Variants in WWOX observed in about 807,000 individuals in gnomAD.
The protein encoded by WWOX is WW domain-containing oxidoreductase.
In WWOX, 69 loss-of-function variants were observed where a neutral mutation model predicts 46.2. That is an observed-to-expected ratio of 1.49 (90% CI 1.23 to 1.82). WWOX has a LOEUF of 1.82. Among genes scored for constraint, WWOX ranks in the 40% most tolerant of loss-of-function variants. The pLI, the probability that WWOX is intolerant of heterozygous loss-of-function variation, is 0.00. For missense variants in WWOX, 919 were observed against 542.6 expected, an observed-to-expected ratio of 1.69 and a Z score of -6.89; for synonymous variants, 359 against 202.6, an observed-to-expected ratio of 1.77 and a Z score of -6.56.
intron 8 of WWOX, among the ~76,000 whole-genome samples, chr16:78,694,769 C>G (rs192740925): frequency 2.6e-5 from 4 of 152,060 alleles, no homozygotes; most frequent in Non-Finnish European, 4.4e-5. Flanking sequence ...ACTATTACAG[C>G]TTTTTGAAGT....
At chr16:78,519,219 A>C (rs1376814629) in intron 8 of WWOX, among the ~76,000 whole-genome samples, 3 of 152,130 alleles carry the variant, frequency 2.0e-5, no homozygotes, top group Admixed American at 2.0e-4. Context: ...CCCAGCTGTG[A>C]AGATTAAAAG....
At chr16:78,686,160 A>T (rs56993450) in intron 8 of WWOX, among the ~76,000 whole-genome samples, 2 of 151,734 alleles carry the variant, frequency 1.3e-5, no homozygotes, top group Non-Finnish European at 2.9e-5. Flanking sequence ...TTCTTTGGCT[A>T]TAGGAATCTG....
rs112500909 is a variant in WWOX, at chr16:78,529,266, A to G, written c.1056+96514A>G. On this transcript the variant is annotated intron_variant, in intron 8 of 8. Transcript: ENST00000566780. Reference sequence around the variant, plus strand: ...TACTGTACCCGACCAAGAACTTTCTATTATATAGATTTTAATTAAAAACAG... The same window carrying G: ...TACTGTACCCGACCAAGAACTTTCTGTTATATAGATTTTAATTAAAAACAG... Among the ~76,000 whole-genome samples the G allele has an allele frequency of 5.6e-4, 85 of 152,032 alleles. 1 individual carries two copies. Among genetic ancestry groups the G allele is most frequent in the African/African-American group, 2.0e-3 (81 of 41,392 alleles).
chr16:78,463,924 G>A (rs1166685022), intron 8 of WWOX, among the ~76,000 whole-genome samples: 1 of 152,180 alleles, frequency 6.6e-6, no homozygotes, highest in Non-Finnish European at 1.5e-5. Context: ...TGTTCAATTT[G>A]TACTGCTGGT....
Position 78,144,527 on chromosome 16 carries a change from T to A in WWOX, c.410-19656T>A, listed in dbSNP as rs1597262628. Among the ~76,000 whole-genome samples, 2 of 97,518 alleles carry A rather than the reference T, an allele frequency of 2.1e-5. 1 individual carries two copies. Among genetic ancestry groups the A allele is most frequent in the South Asian group, 7.3e-4 (2 of 2,744 alleles). 64.0% of individuals were successfully genotyped at this position (97,518 alleles called of 152,430 possible). On this transcript the variant is annotated intron_variant, in intron 4 of 8. Transcript: ENST00000566780. ...TATATATATATATATATATATATTTTTTTTTTTTTTTGGAGATGGAGTTTT... is the reference window on the plus strand; with the variant it reads ...TATATATATATATATATATATATTTATTTTTTTTTTTGGAGATGGAGTTTT...
At chr16:78,104,231 A>AAAACACACACACAC (rs1555534029) in intron 1 of WWOX, among the ~76,000 whole-genome samples, 1 of 130,124 alleles carries the variant, frequency 7.7e-6, no homozygotes, top group Non-Finnish European at 1.6e-5. Flanking sequence ...CTGTGCTCAA[A>AAAACACACACACAC]ACACACACAC....
In WWOX at chr16:78,500,709, G is replaced by A. The variant is rs573703438; in HGVS notation, c.1056+67957G>A. Among the ~76,000 whole-genome samples, 7 of 152,284 alleles carry A rather than the reference G, an allele frequency of 4.6e-5. No homozygotes were observed. In the South Asian group the frequency reaches 1.0e-3, roughly 23 times the overall value. On this transcript the variant is annotated intron_variant, in intron 8 of 8. Transcript: ENST00000566780. ...AGCTGGACTAGCTTTTCGGGAACAC[G>A]TGTGTGTTTGTGCTGGAAGCCCCAG...
intron 8 of WWOX, among the ~76,000 whole-genome samples, chr16:78,555,126 CTGTCTT>C (rs760269679): frequency 1.7e-4 from 24 of 141,082 alleles, no homozygotes; most frequent in Admixed American, 3.1e-4. Context: ...CTCTTTCTCT[CTGTCTT>C]TTTCTCTTTC....
At chr16:78,294,622 G>T (rs2079913767) in intron 5 of WWOX, among the ~76,000 whole-genome samples, 1 of 145,736 alleles carries the variant, frequency 6.9e-6, no homozygotes, top group Non-Finnish European at 1.5e-5. Flanking sequence ...TGTGAGGTCT[G>T]TAAAAGGATA....
At chr16:78,809,541 GC>G (rs2142699090) in intron 8 of WWOX, among the ~76,000 whole-genome samples, 1 of 152,152 alleles carries the variant, frequency 6.6e-6, no homozygotes, top group South Asian at 2.1e-4. Flanking sequence ...ACTTCCACTT[GC>G]CCCAAATAGG....
intron 8 of WWOX, among the ~76,000 whole-genome samples, chr16:78,441,871 C>G (rs985429305): frequency 6.6e-6 from 1 of 151,868 alleles, no homozygotes; most frequent in Non-Finnish European, 1.5e-5. Flanking sequence ...ATACTAGATA[C>G]TCAATAACCA....
At chr16:78,962,474 T>C (rs2046289975) in intron 8 of WWOX, among the ~76,000 whole-genome samples, 2 of 152,108 alleles carry the variant, frequency 1.3e-5, no homozygotes, top group South Asian at 2.1e-4. Flanking sequence ...AGTCATTTTC[T>C]AAGAAAGTGA....
intron 8 of WWOX, among the ~76,000 whole-genome samples, chr16:78,583,859 C>T (rs376028375): frequency 6.6e-6 from 1 of 152,188 alleles, no homozygotes; most frequent in African/African-American, 2.4e-5. Context: ...GAGCTTTATT[C>T]GAGCAAAGCT....
chr16:78,873,374 G>A (rs2044168377), intron 8 of WWOX: 1 of 152,090 alleles, frequency 6.6e-6, no homozygotes, highest in Non-Finnish European at 1.5e-5. Flanking sequence ...ATCTCCTTAT[G>A]CTGATTTTTT....
intron 8 of WWOX, among the ~76,000 whole-genome samples, chr16:78,789,915 A>T (rs1478352627): frequency 6.6e-6 from 1 of 152,090 alleles, no homozygotes; most frequent in Non-Finnish European, 1.5e-5. Flanking sequence ...TTAAACTCCA[A>T]TTCTGCCACT....
intron 8 of WWOX, among the ~76,000 whole-genome samples, chr16:78,951,872 C>A (rs1464303029): frequency 6.6e-6 from 1 of 152,166 alleles, no homozygotes; most frequent in Non-Finnish European, 1.5e-5. Context: ...TAGCAACACT[C>A]TTCAATGGAT....
intron 4 of WWOX, among the ~76,000 whole-genome samples, chr16:78,126,586 C>T (rs375504955): frequency 6.6e-6 from 1 of 152,120 alleles, no homozygotes; most frequent in East Asian, 1.9e-4. Flanking sequence ...CAAAATGTCC[C>T]TTAGAAGTTA....
chr16:78,877,871 C>T (rs1222778611), intron 8 of WWOX, among the ~76,000 whole-genome samples: 1 of 152,140 alleles, frequency 6.6e-6, no homozygotes, highest in Non-Finnish European at 1.5e-5. Context: ...TAGCTAAGCC[C>T]AGCAGCCCAA....
chr16:78,152,652 A>T (rs2034458073), intron 4 of WWOX, among the ~76,000 whole-genome samples: 1 of 152,042 alleles, frequency 6.6e-6, no homozygotes, highest in Admixed American at 6.5e-5. Context: ...TTTCTCACTC[A>T]TTCCTAACCA....
Sources: gnomAD v4.1 joint callset for allele counts (sites outside exome capture counted in the v4.1 genomes callset) on GRCh38, gnomAD v4.1.1 for gene constraint, MANE v1.5 for transcripts, NCBI Gene and HGNC (gene_info 2026-07-23, HGNC 2026-07-21) for gene names.